NICN1: variants seen among roughly 807,000 people sequenced by gnomAD.
The protein encoded by NICN1 is nicolin 1, tubulin polyglutamylase complex subunit.
In NICN1, 18 loss-of-function variants were observed where a neutral mutation model predicts 26.3. That is an observed-to-expected ratio of 0.68 (90% confidence interval 0.47 to 1.01). NICN1 has a LOEUF of 1.01. NICN1 is among the 50% of genes least tolerant of loss of function. The pLI is 0.00. For synonymous variants in NICN1, 109 were observed against 111.0 expected (o/e 0.98, Z 0.11); for missense variants, 239 against 278.3 (o/e 0.86, Z 1.00).
intron 2 of NICN1, 108 bp downstream of exon 2, chr3:49,426,144 G>C: frequency 7.9e-7 from 1 of 1,267,964 alleles, no homozygotes; most frequent in Non-Finnish European, 1.1e-6. Flanking sequence ...GGAAGTCACA[G>C]TTCAGGCCAG....
Position 49,424,794 on chromosome 3 carries a change from G to A in NICN1, c.*39C>T. On this transcript the variant is annotated 3_prime_UTR_variant, in exon 6 of 6. Transcript: ENST00000273598. ...CTGGTGGCCCAAACCAAGTCTGGGTGGGCACAGAAAGGCCAACATCTTGGC... is the reference window on the plus strand; with the variant it reads ...CTGGTGGCCCAAACCAAGTCTGGGTAGGCACAGAAAGGCCAACATCTTGGC... 1.3e-6 allele frequency: 2 copies of A among 1,588,098 alleles called. No individual in the cohort carries two copies. The highest frequency in any genetic ancestry group is 1.7e-4 in the Middle Eastern group (1 of 5,966).
Position 49,429,269 on chromosome 3 carries a change from G to T in NICN1, c.-30C>A. 1 of 1,564,766 alleles carries T rather than the reference G, an allele frequency of 6.4e-7. No individual in the cohort carries two copies. Among genetic ancestry groups the T allele is most frequent in the African/African-American group, 1.4e-5 (1 of 72,600 alleles). On this transcript the variant is annotated 5_prime_UTR_variant, in exon 1 of 6. Transcript: ENST00000273598. ...ACAGCAGCCGCAACTAAGTGCAACC[G>T]CCGCTCTAGGCCCCCGACCACCAGC...
intron 2 of NICN1, 82 bp from the exon 3 acceptor site, chr3:49,426,078 CCCACCCCA>C: frequency 1.1e-5 from 12 of 1,136,758 alleles, no homozygotes; most frequent in Non-Finnish European, 1.5e-5. Flanking sequence ...CAGAATGCTG[CCCACCCCA>C]CAGGCCTTGG....
At chr3:49,425,186 AG>A in intron 4 of NICN1, 133 bp from the exon 5 acceptor site, 1 of 834,156 alleles carries the variant, frequency 1.2e-6, no homozygotes, top group Non-Finnish European at 2.0e-6. Flanking sequence ...ATGAAACATG[AG>A]GTTAGGGCCT....
chr3:49,424,858 T>A lies in NICN1; in HGVS notation c.617A>T (p.Asp206Val), dbSNP rs2049157964. ...IGRFDVDGCYDLNLLSYT is the reference protein window; with the variant it reads ...IGRFDVDGCYVLNLLSYT ...TCAAGTGTAGGAGAGCAAGTTCAGG[T>A]CATAACAGCCATCCACCTGAAATAC... Residue 206 changes from aspartate to valine, a missense_variant, in exon 6 of 6, where the codon GAC (aspartate) becomes GTC (valine). Coordinates refer to ENST00000273598, the MANE Select transcript of NICN1 (RefSeq NM_032316.3). The A allele has an allele frequency of 1.2e-6, 2 of 1,613,984 alleles. No homozygotes were observed. Among genetic ancestry groups the A allele is most frequent in the Non-Finnish European group, 1.7e-6 (2 of 1,179,932 alleles).
At position 49,424,842 on chromosome 3, in the gene NICN1, G is replaced by C. The variant is rs367980201; in HGVS notation, c.633C>G (p.Ser211=). 9.2e-5 allele frequency: 148 copies of C among 1,613,898 alleles called. No homozygotes were observed. The highest frequency in any genetic ancestry group is 8.2e-4 in the Middle Eastern group (5 of 6,062). The change falls in exon 6 of 6, where the codon TCC becomes TCG. Residue 211 remains serine, a synonymous_variant. Coordinates refer to ENST00000273598, the MANE Select transcript of NICN1 (RefSeq NM_032316.3). ...VDGCYDLNLL[S]YT is the part of the protein sequence containing the mutation. Reference sequence around the variant, plus strand: ...GGCTAGGAGCAACCATTCAAGTGTAGGAGAGCAAGTTCAGGTCATAACAGC... The same window carrying C: ...GGCTAGGAGCAACCATTCAAGTGTACGAGAGCAAGTTCAGGTCATAACAGC...
intron 1 of NICN1, among the ~76,000 whole-genome samples, chr3:49,428,317 A>C (rs1234145345): frequency 6.6e-6 from 1 of 152,050 alleles, no homozygotes; most frequent in African/African-American, 2.4e-5. Context: ...GTTGAGTCAT[A>C]CAGTGTCCAG....
intron 1 of NICN1, among the ~76,000 whole-genome samples, chr3:49,428,784 A>G (rs893256706): frequency 3.3e-5 from 5 of 151,680 alleles, no homozygotes; most frequent in East Asian, 3.9e-4. Context: ...GCGATCCCCA[A>G]CTGTGGCCAG....
Position 49,426,238 on chromosome 3 carries a change from G to A in NICN1, c.309+14C>T. 1 of 1,613,128 alleles carries A rather than the reference G, an allele frequency of 6.2e-7. No individual in the cohort carries two copies. Among genetic ancestry groups the A allele is most frequent in the Non-Finnish European group, 8.5e-7 (1 of 1,179,510 alleles). ...TCATCTGGGCTGCCCTGGCCATCCT[G>A]AGGCCCAGCTGACCTGATGCTTGAA... On this transcript the variant is annotated intron_variant, in intron 2 of 5. Transcript: ENST00000273598.
Position 49,422,471 on chromosome 3 carries a change from G to C in NICN1, c.*2362C>G, listed in dbSNP as rs1319165232. 6.2e-7 allele frequency: 1 copy of C among 1,610,512 alleles called. No individual in the cohort carries two copies. Among genetic ancestry groups the C allele is most frequent in the African/African-American group, 1.3e-5 (1 of 74,896 alleles). On this transcript the variant is annotated 3_prime_UTR_variant, in exon 6 of 6. Coordinates refer to ENST00000273598, the MANE Select transcript of NICN1 (RefSeq NM_032316.3). The stretch of plus-strand genomic sequence containing the variant: ...TGCATCGTCGCCTGCAACGAGTGCA[G>C]ACGGCGCACAGAGGCCACCACACTG...
Position 49,425,028 on chromosome 3 carries a change from G to A in NICN1, c.521C>T (p.Ser174Phe), listed in dbSNP as rs199810125. ...TGCCCACATCTGCTGCACCTCGGAG[G>A]ATACCCTGCTGGGGTCTGGGAGACC... ...REGLPDPSRV[S>F]SEVQQMWALT... Residue 174 changes from serine (S) to phenylalanine (F), a missense_variant, in exon 5 of 6, where the codon TCC (serine) becomes TTC (phenylalanine). By Grantham distance (155) the Ser-to-Phe change is radical. Transcript: ENST00000273598. 6.2e-7 allele frequency: 1 copy of A among 1,614,098 alleles called. No individual in the cohort carries two copies. Among genetic ancestry groups the A allele is most frequent in the East Asian group, 2.2e-5 (1 of 44,876 alleles).
At chr3:49,426,856 C>T (rs1353056127) in intron 1 of NICN1, among the ~76,000 whole-genome samples, 3 of 152,144 alleles carry the variant, frequency 2.0e-5, no homozygotes, top group Non-Finnish European at 4.4e-5. Context: ...ACAATTCTGC[C>T]TTCCTAAAGG....
intron 3 of NICN1, 73 bp downstream of exon 3, chr3:49,425,810 C>T: frequency 2.6e-6 from 2 of 771,462 alleles, no homozygotes; most frequent in Non-Finnish European, 4.4e-6. Context: ...ATTACCCACC[C>T]CACCACCTAG....
rs1041228113 is a variant in NICN1 at position 49,423,006 on chromosome 3, C to T, written c.*1827G>A. On this transcript the variant is annotated 3_prime_UTR_variant, in exon 6 of 6. Transcript: ENST00000273598. ...CCAGGCCCTCAGATGGGGACACAGCCACGAATGAAGCATGGTCCCTGCTAC... is the reference window on the plus strand; with the variant it reads ...CCAGGCCCTCAGATGGGGACACAGCTACGAATGAAGCATGGTCCCTGCTAC... 4.5e-6 allele frequency: 1 copy of T among 221,578 alleles called. No individual in the cohort carries two copies. The highest frequency in any genetic ancestry group is 2.3e-5 in the African/African-American group (1 of 43,824). 13.7% of individuals were successfully genotyped at this position (221,578 alleles called of 1,614,324 possible). A position where few individuals can be genotyped will look rare whatever the true frequency, so the allele number is the denominator to read the frequency against.
Position 49,422,732 on chromosome 3 carries a change from C to A in NICN1, c.*2101G>T. 1 of 568,916 alleles carries A rather than the reference C, an allele frequency of 1.8e-6. No homozygotes were observed. Among genetic ancestry groups the A allele is most frequent in the Non-Finnish European group, 3.2e-6 (1 of 311,960 alleles). The allele number at this position is 568,916 out of a possible 1,614,324, so 35.2% of individuals were successfully genotyped here. A position where few individuals can be genotyped will look rare whatever the true frequency, so the allele number is the denominator to read the frequency against. On this transcript the variant is annotated 3_prime_UTR_variant, in exon 6 of 6. Coordinates refer to ENST00000273598, the MANE Select transcript of NICN1 (RefSeq NM_032316.3). ...AGAACAAAGCTAGGGGCTAGACCGCCCCCTGCAGAACCGCCCTGTCTCCAG... is the reference window on the plus strand; with the variant it reads ...AGAACAAAGCTAGGGGCTAGACCGCACCCTGCAGAACCGCCCTGTCTCCAG...
chr3:49,429,184 C>G lies in NICN1; in HGVS notation c.56G>C (p.Gly19Ala). 1 of 1,611,500 alleles carries G rather than the reference C, an allele frequency of 6.2e-7. No homozygotes were observed. Among genetic ancestry groups the G allele is most frequent in the Non-Finnish European group, 8.5e-7 (1 of 1,178,984 alleles). ...CCGGCCTTGGGAGGTCCGCACGTCG[C>G]CCACCTGGAGGGCTACGGAGCCTTT... ...HVKGSVALQV[G>A]DVRTSQGRPG... Residue 19 changes from glycine (G) to alanine (A), a missense_variant, in exon 1 of 6, where the codon GGC (glycine) becomes GCC (alanine). Physicochemically the swap from Gly to Ala is moderately conservative, Grantham distance 60 (BLOSUM62 0). Coordinates refer to ENST00000273598, the MANE Select transcript of NICN1 (RefSeq NM_032316.3).
chr3:49,425,106 T>A (rs2049160549), intron 4 of NICN1, 53 bp from the exon 5 acceptor site: 4 of 1,496,100 alleles, frequency 2.7e-6, no homozygotes, highest in Non-Finnish European at 3.7e-6. Context: ...GCAGTGCCCT[T>A]CAGGCTCCAG....
chr3:49,429,177 C>A lies in NICN1; in HGVS notation c.63G>T (p.Val21=). ...CGCCAGGCCGGCCTTGGGAGGTCCG[C>A]ACGTCGCCCACCTGGAGGGCTACGG... ...KGSVALQVGD[V]RTSQGRPGVL... Residue 21 remains valine, a synonymous_variant, in exon 1 of 6, where the codon GTG becomes GTT. Transcript: ENST00000273598. 6.2e-7 allele frequency: 1 copy of A among 1,611,602 alleles called. No homozygotes were observed. Among genetic ancestry groups the A allele is most frequent in the Non-Finnish European group, 8.5e-7 (1 of 1,179,060 alleles).
rs950436877 is a variant in NICN1, at chr3:49,424,758, C to T, written c.*75G>A. 8.5e-6 allele frequency: 10 copies of T among 1,181,862 alleles called. No homozygotes were observed. In the African/African-American group the frequency reaches 1.2e-4, roughly 14 times the overall value. The allele number at this position is 1,181,862 out of a possible 1,614,324, so 73.2% of individuals were successfully genotyped here. A position where few individuals can be genotyped will look rare whatever the true frequency, so the allele number is the denominator to read the frequency against. On this transcript the variant is annotated 3_prime_UTR_variant, in exon 6 of 6. Coordinates refer to ENST00000273598, the MANE Select transcript of NICN1 (RefSeq NM_032316.3). The stretch of plus-strand genomic sequence containing the variant: ...CAACACTTGGAATGCACAGGAAATA[C>T]ACTTCAGCCTCTGGTGGCCCAAACC...
Sources: gnomAD v4.1 joint callset for allele counts (sites outside exome capture counted in the v4.1 genomes callset) on GRCh38, gnomAD v4.1.1 for gene constraint, MANE v1.5 for transcripts, NCBI Gene and HGNC (gene_info 2026-07-23, HGNC 2026-07-21) for gene names.